EPHA7: variants seen among roughly 807,000 people sequenced by gnomAD.
EPHA7 encodes the protein ephrin type-A receptor 7.
A neutral mutation model predicts 112.6 loss-of-function variants in EPHA7; 25 were observed. The observed-to-expected ratio is 0.22, with a 90% CI of 0.16 to 0.31. The LOEUF is 0.31. Among genes scored for constraint, EPHA7 ranks in the 10% least tolerant of loss-of-function variants. The pLI is 1.00. For synonymous variants in EPHA7, 437 were observed against 406.5 expected, an observed-to-expected ratio of 1.07 and a Z score of -0.90; for missense variants, 962 against 1,212.6, an observed-to-expected ratio of 0.79 and a Z score of 3.07.
Position 93,411,272 on chromosome 6 carries a change from G to A in EPHA7, c.163-102C>T, listed in dbSNP as rs1031505480. ...AAATACAGATCTTCGAAAAAGTTAG[G>A]TTGATTCCTATGCTGGCAAAACTAT... On this transcript the variant is annotated intron_variant, in intron 2 of 16. Transcript: ENST00000369303. 22 of 930,798 alleles carry A rather than the reference G, an allele frequency of 2.4e-5. No individual in the cohort carries two copies. In the African/African-American group the frequency reaches 3.5e-4, roughly 15 times the overall value. 57.7% of individuals were successfully genotyped at this position (930,798 alleles called of 1,614,324 possible).
chr6:93,250,701 T>C (rs1276725618), intron 14 of EPHA7, among the ~76,000 whole-genome samples: 1 of 152,146 alleles, frequency 6.6e-6, no homozygotes, highest in African/African-American at 2.4e-5. Context: ...TAGAGGATTA[T>C]GTAACTGGTT....
At chr6:93,300,826 T>C (rs574337052) in intron 5 of EPHA7, among the ~76,000 whole-genome samples, 1 of 152,316 alleles carries the variant, frequency 6.6e-6, no homozygotes, top group South Asian at 2.1e-4. Context: ...GAATAATGCA[T>C]CATTCGGTTA....
intron 5 of EPHA7, among the ~76,000 whole-genome samples, chr6:93,277,123 C>T (rs1404517870): frequency 6.6e-6 from 1 of 151,992 alleles, no homozygotes; most frequent in Admixed American, 6.6e-5. Flanking sequence ...AACGCTTTTC[C>T]TATTGTACGT....
At chr6:93,378,648 C>G (rs533616828) in intron 3 of EPHA7, among the ~76,000 whole-genome samples, 1 of 152,062 alleles carries the variant, frequency 6.6e-6, no homozygotes, top group Non-Finnish European at 1.5e-5. Flanking sequence ...CAAGTAGGGT[C>G]CTCAAGCATC....
At chr6:93,349,815 A>G (rs1775600056) in intron 5 of EPHA7, among the ~76,000 whole-genome samples, 1 of 151,956 alleles carries the variant, frequency 6.6e-6, no homozygotes, top group African/African-American at 2.4e-5. Flanking sequence ...TGTGTCCATT[A>G]AATCATTGAA....
In EPHA7 at chr6:93,358,371, A is replaced by C; in HGVS notation, c.873T>G (p.Leu291=). ...TGTGAGTTGGACAACGAGAGCACTG[A>C]AGATCTTGAGAGGAAGACTTGTAGA... ...RGFYKSSSQD[L]QCSRCPTHSF... The change falls in exon 4 of 17, where the codon CTT becomes CTG. Residue 291 remains leucine (L), a synonymous_variant. Coordinates refer to ENST00000369303, the MANE Select transcript of EPHA7 (RefSeq NM_004440.4). 3 of 1,612,946 alleles carry C rather than the reference A, an allele frequency of 1.9e-6. No homozygotes were observed. Among genetic ancestry groups the C allele is most frequent in the Non-Finnish European group, 2.5e-6 (3 of 1,179,306 alleles).
At chr6:93,285,487 A>G (rs1163851880) in intron 5 of EPHA7, among the ~76,000 whole-genome samples, 1 of 152,246 alleles carries the variant, frequency 6.6e-6, no homozygotes, top group African/African-American at 2.4e-5. Context: ...CATGTATTTG[A>G]CCCAGAATGT....
At chr6:93,265,341 C>T (rs1204044028) in intron 7 of EPHA7, among the ~76,000 whole-genome samples, 1 of 151,640 alleles carries the variant, frequency 6.6e-6, no homozygotes, top group African/African-American at 2.4e-5. Context: ...AAACTTTCTG[C>T]AAGTGCTTTA....
chr6:93,255,849 T>G lies in EPHA7; in HGVS notation c.2361A>C (p.Pro787=). 6.2e-7 allele frequency: 1 copy of G among 1,614,088 alleles called. No individual in the cohort carries two copies. Among genetic ancestry groups the G allele is most frequent in the Non-Finnish European group, 8.5e-7 (1 of 1,179,952 alleles). The change falls in exon 13 of 17, where the codon CCA becomes CCC. Residue 787 remains proline, a synonymous_variant. Transcript: ENST00000369303. ...FGLSRVIEDD[P]EAVYTTTGGK... ...TTACAGTAGTTGTATAGACAGCTTC[T>G]GGATCATCCTCTATAACTCGGGACA...
At chr6:93,251,705 A>C (rs141688960) in intron 14 of EPHA7, among the ~76,000 whole-genome samples, 606 of 152,124 alleles carry the variant, frequency 4.0e-3, no homozygotes, top group African/African-American at 0.013. Context: ...TATAAAATTC[A>C]GTTAAAAGAT....
chr6:93,370,335 C>T (rs779678639), intron 3 of EPHA7, among the ~76,000 whole-genome samples: 1 of 152,078 alleles, frequency 6.6e-6, no homozygotes, highest in Non-Finnish European at 1.5e-5. Flanking sequence ...ACATGACCTA[C>T]CCAAACCCAA....
intron 7 of EPHA7, among the ~76,000 whole-genome samples, chr6:93,269,262 G>T (rs941538683): frequency 6.6e-6 from 1 of 151,596 alleles, no homozygotes; most frequent in Non-Finnish European, 1.5e-5. Context: ...ATGCGTTAAA[G>T]AAACTAATTT....
chr6:93,384,703 A>C (rs2127974719), intron 3 of EPHA7, among the ~76,000 whole-genome samples: 1 of 152,210 alleles, frequency 6.6e-6, no homozygotes, highest in Non-Finnish European at 1.5e-5. Flanking sequence ...GAAAGACCTT[A>C]TTTGTTCCCT....
rs1168881005 is a variant in EPHA7 at position 93,336,311 on chromosome 6, A to G, written c.1324+20406T>C. On this transcript the variant is annotated intron_variant, in intron 5 of 16. Coordinates refer to ENST00000369303, the MANE Select transcript of EPHA7 (RefSeq NM_004440.4). ...AAGTTTCAGATTCTCTTCATATCTC[A>G]TATGTTACAAATTGCTTGGATTTCA... Among the ~76,000 whole-genome samples, 6 of 152,046 alleles carry G rather than the reference A, an allele frequency of 3.9e-5. No homozygotes were observed. In the South Asian group the frequency reaches 8.3e-4, roughly 21 times the overall value.
At chr6:93,368,684 A>G (rs569022733) in intron 3 of EPHA7, among the ~76,000 whole-genome samples, 26 of 152,286 alleles carry the variant, frequency 1.7e-4, no homozygotes, top group African/African-American at 6.3e-4. Flanking sequence ...TTTCATCTTA[A>G]TTTCCTAAAA....
intron 3 of EPHA7, among the ~76,000 whole-genome samples, chr6:93,372,237 AT>A (rs749031134): frequency 6.6e-5 from 10 of 152,244 alleles, no homozygotes; most frequent in South Asian, 2.1e-4. Flanking sequence ...ATGCTTGAAC[AT>A]TTCCTTTATG....
intron 3 of EPHA7, among the ~76,000 whole-genome samples, chr6:93,387,926 GATAGATAGATA>G: frequency 4.3e-5 from 2 of 46,586 alleles, no homozygotes; most frequent in Middle Eastern, 0.037. Context: ...TAGATAGACA[GATAGATAGATA>G]GATAGATAGA....
chr6:93,390,963 T>A (rs1777877327), intron 3 of EPHA7, among the ~76,000 whole-genome samples: 1 of 151,978 alleles, frequency 6.6e-6, no homozygotes, highest in Non-Finnish European at 1.5e-5. Flanking sequence ...TTCTCGTTAA[T>A]GCCAATATTT....
chr6:93,322,556 C>T (rs1206749867), intron 5 of EPHA7, among the ~76,000 whole-genome samples: 1 of 151,516 alleles, frequency 6.6e-6, no homozygotes, highest in African/African-American at 2.4e-5. Flanking sequence ...CTAAATCATG[C>T]TCCTAAGGAA....
Sources: allele counts gnomAD v4.1 joint callset (sites outside exome capture counted in the v4.1 genomes callset), GRCh38; gene constraint gnomAD v4.1.1; transcripts MANE v1.5; gene names NCBI Gene and HGNC (gene_info 2026-07-23, HGNC 2026-07-21).